Variants in RALGPS2 observed in about 807,000 individuals in gnomAD.
RALGPS2 encodes the protein ras-specific guanine nucleotide-releasing factor RalGPS2.
A neutral mutation model predicts 86.8 loss-of-function variants in RALGPS2; 43 were observed. The ratio of observed to expected loss-of-function variants is 0.50; its 90% CI spans 0.39 to 0.64. RALGPS2 has a LOEUF of 0.64. Ranked by LOEUF, RALGPS2 falls within the 30% of genes least tolerant of loss-of-function variation. The pLI is 0.00. For missense variants in RALGPS2, 536 were observed against 694.6 expected (o/e 0.77, Z 2.57); for synonymous variants, 243 against 231.3 (o/e 1.05, Z -0.46).
chr1:178,744,111 A>G (rs1395984925), intron 1 of RALGPS2, among the ~76,000 whole-genome samples: 1 of 152,244 alleles, frequency 6.6e-6, no homozygotes, highest in Non-Finnish European at 1.5e-5. Flanking sequence ...AGTTCTAACC[A>G]TATTTTAGTA....
At chr1:178,862,360 T>C (rs914529978) in intron 8 of RALGPS2, among the ~76,000 whole-genome samples, 3 of 152,072 alleles carry the variant, frequency 2.0e-5, no homozygotes, top group Non-Finnish European at 4.4e-5. Flanking sequence ...CTAACACATA[T>C]TTAGCAACTG....
At chr1:178,871,258 A>G (rs1658740635) in intron 8 of RALGPS2, among the ~76,000 whole-genome samples, 1 of 152,118 alleles carries the variant, frequency 6.6e-6, no homozygotes, top group Non-Finnish European at 1.5e-5. Context: ...GATTGTGTGC[A>G]GGTTGAAGGA....
intron 1 of RALGPS2, among the ~76,000 whole-genome samples, chr1:178,754,925 G>T (rs1238268421): frequency 6.6e-6 from 1 of 152,066 alleles, no homozygotes; most frequent in African/African-American, 2.4e-5. Flanking sequence ...TCAGCCTCCC[G>T]AGTAGCTGGA....
At chr1:178,817,823 C>T (rs568990877) in intron 6 of RALGPS2, among the ~76,000 whole-genome samples, 55 of 152,296 alleles carry the variant, frequency 3.6e-4, no homozygotes, top group African/African-American at 1.3e-3. Flanking sequence ...TGTTGTATAT[C>T]ATTATTTCTA....
At chr1:178,781,944 C>T (rs1653411850) in intron 2 of RALGPS2, among the ~76,000 whole-genome samples, 1 of 152,070 alleles carries the variant, frequency 6.6e-6, no homozygotes, top group Non-Finnish European at 1.5e-5. Flanking sequence ...GAGGTTTCTG[C>T]TTGGATTCAT....
chr1:178,907,056 C>G (rs1660415881), intron 19 of RALGPS2, among the ~76,000 whole-genome samples, 189 bp downstream of exon 19: 1 of 152,134 alleles, frequency 6.6e-6, no homozygotes, highest in Non-Finnish European at 1.5e-5. Flanking sequence ...ATCATGCAAA[C>G]AAGTAACAAA....
chr1:178,794,060 A>G (rs1004172410), intron 4 of RALGPS2, among the ~76,000 whole-genome samples: 4 of 152,078 alleles, frequency 2.6e-5, no homozygotes, highest in Non-Finnish European at 4.4e-5. Context: ...GTTCTCCTCA[A>G]TATGATTTCT....
chr1:178,894,862 T>C (rs1183781689), intron 16 of RALGPS2, among the ~76,000 whole-genome samples: 1 of 152,068 alleles, frequency 6.6e-6, no homozygotes, highest in Non-Finnish European at 1.5e-5. Context: ...TATACAAAAT[T>C]ATTTCTTAGA....
chr1:178,880,574 A>G (rs1439280919), intron 10 of RALGPS2, among the ~76,000 whole-genome samples: 1 of 152,090 alleles, frequency 6.6e-6, no homozygotes, highest in Non-Finnish European at 1.5e-5. Context: ...ACTTACCACT[A>G]TTTTTCCCTT....
intron 16 of RALGPS2, among the ~76,000 whole-genome samples, chr1:178,894,483 TAAGG>T (rs1251627209): frequency 6.6e-6 from 1 of 151,986 alleles, no homozygotes; most frequent in Non-Finnish European, 1.5e-5. Flanking sequence ...TCTTTTCACT[TAAGG>T]AAGCAGTGGG....
chr1:178,743,749 A>G (rs1429013552), intron 1 of RALGPS2, among the ~76,000 whole-genome samples: 1 of 152,208 alleles, frequency 6.6e-6, no homozygotes, highest in African/African-American at 2.4e-5. Context: ...AACAGAGATG[A>G]ATTGGACGAA....
At chr1:178,855,462 C>T (rs1457850949) in intron 8 of RALGPS2, among the ~76,000 whole-genome samples, 2 of 151,886 alleles carry the variant, frequency 1.3e-5, no homozygotes, top group Middle Eastern at 6.8e-3. Flanking sequence ...TATTATAGTT[C>T]ATTGATATTT....
At position 178,893,958 on chromosome 1, in the gene RALGPS2, A is replaced by G. The variant is rs780142768; in HGVS notation, c.1365A>G (p.Pro455=). The G allele has an allele frequency of 1.2e-6, 2 of 1,609,320 alleles. No homozygotes were observed. Among genetic ancestry groups the G allele is most frequent in the Non-Finnish European group, 1.7e-6 (2 of 1,177,082 alleles). The change falls in exon 16 of 20, where the codon CCA becomes CCG. Residue 455 remains proline, a synonymous_variant. Transcript: ENST00000367635. ...ESEDLAVHLY[P]GAVTIQGVLR... ...AAGATTTGGCAGTACATTTATATCC[A>G]GGAGCTGTTACTATTCAAGGTGTTC...
chr1:178,908,078 C>A (rs1380152652), intron 19 of RALGPS2, among the ~76,000 whole-genome samples: 1 of 152,158 alleles, frequency 6.6e-6, no homozygotes, highest in Non-Finnish European at 1.5e-5. Flanking sequence ...TCAACCGTCA[C>A]CCCTCTCCCA....
intron 4 of RALGPS2, among the ~76,000 whole-genome samples, chr1:178,807,698 G>A (rs956751599): frequency 2.6e-5 from 4 of 152,120 alleles, no homozygotes; most frequent in African/African-American, 4.8e-5. Context: ...AAGCTGATTG[G>A]GAGCTCTGGG....
At chr1:178,803,456 A>G (rs945223956) in intron 4 of RALGPS2, among the ~76,000 whole-genome samples, 2 of 152,116 alleles carry the variant, frequency 1.3e-5, no homozygotes, top group Non-Finnish European at 2.9e-5. Context: ...TAGGAATTTT[A>G]TCCTAAAATA....
chr1:178,867,864 C>T (rs1331935644), intron 8 of RALGPS2, among the ~76,000 whole-genome samples: 5 of 151,994 alleles, frequency 3.3e-5, no homozygotes, highest in Admixed American at 2.0e-4. Context: ...CTTATGCTGT[C>T]GTCATGAAGA....
At chr1:178,819,213 G>A (rs975574760) in intron 6 of RALGPS2, among the ~76,000 whole-genome samples, 4 of 151,848 alleles carry the variant, frequency 2.6e-5, no homozygotes, top group African/African-American at 9.7e-5. Flanking sequence ...GGCTGTTCAT[G>A]AACTCCTGGG....
At chr1:178,840,236 AC>A (rs1656524234) in intron 8 of RALGPS2, among the ~76,000 whole-genome samples, 1 of 152,222 alleles carries the variant, frequency 6.6e-6, no homozygotes, top group Admixed American at 6.5e-5. Flanking sequence ...TCCAAAATTG[AC>A]CACATAGTTG....
Sources: allele counts gnomAD v4.1 joint callset (sites outside exome capture counted in the v4.1 genomes callset), GRCh38; gene constraint gnomAD v4.1.1; transcripts MANE v1.5; gene names NCBI Gene and HGNC (gene_info 2026-07-23, HGNC 2026-07-21).